Variants in SPATS2 observed in about 807,000 individuals in gnomAD.
SPATS2 encodes the protein spermatogenesis associated serine rich 2, also known as spermatogenesis-associated serine-rich protein 2.
SPATS2 carries 38 observed loss-of-function variants against 63.7 expected under a neutral mutation model. That is an observed-to-expected ratio of 0.60 (90% CI 0.46 to 0.78). The LOEUF is 0.78. Among genes scored for constraint, SPATS2 ranks in the 30% least tolerant of loss-of-function variants. The probability of loss-of-function intolerance (pLI) is 0.00; values close to 1 mark genes in which losing one functional copy is unlikely to be tolerated. For synonymous variants in SPATS2, 207 were observed against 232.9 expected, an observed-to-expected ratio of 0.89 and a Z score of 1.01; for missense variants, 588 against 666.2, an observed-to-expected ratio of 0.88 and a Z score of 1.29.
chr12:49,514,388 C>A, intron 9 of SPATS2, 167 bp from the exon 10 acceptor site: 1 of 572,622 alleles, frequency 1.7e-6, no homozygotes, highest in Non-Finnish European at 3.0e-6. Flanking sequence ...TTAAAATATT[C>A]TTTGTTGAGA....
chr12:49,411,520 A>G (rs1430024918), intron 2 of SPATS2, among the ~76,000 whole-genome samples: 6 of 152,210 alleles, frequency 3.9e-5, no homozygotes, highest in Admixed American at 3.9e-4. Flanking sequence ...TTCTTCATAG[A>G]GTAGACTTGG....
intron 2 of SPATS2, among the ~76,000 whole-genome samples, chr12:49,384,527 G>A (rs1944277537): frequency 6.6e-6 from 1 of 152,118 alleles, no homozygotes; most frequent in Non-Finnish European, 1.5e-5. Flanking sequence ...GTATGTGTTT[G>A]TATGTGCCTA....
At chr12:49,409,241 A>G (rs1023763163) in intron 2 of SPATS2, among the ~76,000 whole-genome samples, 1 of 152,172 alleles carries the variant, frequency 6.6e-6, no homozygotes, top group Non-Finnish European at 1.5e-5. Context: ...TTAGAGGATA[A>G]ATAGTATCAC....
At chr12:49,370,683 G>T (rs1160154492) in intron 1 of SPATS2, among the ~76,000 whole-genome samples, 1 of 152,120 alleles carries the variant, frequency 6.6e-6, no homozygotes, top group Non-Finnish European at 1.5e-5. Flanking sequence ...ACAGGATCTC[G>T]CTATGTTGCC....
intron 9 of SPATS2, among the ~76,000 whole-genome samples, chr12:49,513,208 A>AGTGT (rs1491490154): frequency 1.4e-5 from 2 of 143,460 alleles, no homozygotes; most frequent in Non-Finnish European, 3.0e-5. Flanking sequence ...CGAGAGAGAA[A>AGTGT]GAGTGTGTGT....
chr12:49,514,498 T>A, intron 9 of SPATS2, 57 bp from the exon 10 acceptor site: 1 of 1,526,702 alleles, frequency 6.6e-7, no homozygotes, highest in South Asian at 1.2e-5. Flanking sequence ...AATAATGTGC[T>A]AATTTTGTAT....
chr12:49,380,237 G>A (rs1351570623), intron 2 of SPATS2, among the ~76,000 whole-genome samples: 1 of 146,536 alleles, frequency 6.8e-6, no homozygotes, highest in Admixed American at 6.9e-5. Context: ...TGTGATTACA[G>A]CTCTCTGCAG....
chr12:49,495,037 T>C, intron 7 of SPATS2, 35 bp downstream of exon 7: 1 of 1,503,876 alleles, frequency 6.6e-7, no homozygotes, highest in Admixed American at 2.3e-5. Context: ...AAAGTTGCAT[T>C]CAGTTGAAAA....
chr12:49,510,873 A>G (rs552177184), intron 9 of SPATS2, among the ~76,000 whole-genome samples: 20 of 152,336 alleles, frequency 1.3e-4, no homozygotes, highest in African/African-American at 4.1e-4. Flanking sequence ...AGAGATATCA[A>G]TGGGGATGCT....
At chr12:49,431,147 GTT>G (rs1488432856) in intron 2 of SPATS2, among the ~76,000 whole-genome samples, 1 of 152,090 alleles carries the variant, frequency 6.6e-6, no homozygotes, top group Non-Finnish European at 1.5e-5. Context: ...ACTGCTACTA[GTT>G]TTTTGTCTAT....
intron 9 of SPATS2, among the ~76,000 whole-genome samples, chr12:49,512,381 G>C (rs553376430): frequency 1.9e-4 from 29 of 151,952 alleles, no homozygotes; most frequent in Admixed American, 1.4e-3. Flanking sequence ...GCTAATATAT[G>C]TATTTTAATT....
In SPATS2 at chr12:49,498,143, A is replaced by ATATATAT. The variant is rs1307387821; in HGVS notation, c.703+1134_703+1135insTATATAT. ...CTATCCAATCAAGCCAAAAAAAAAAAAAATATATATATATATATATATATA... is the reference window on the plus strand; with the variant it reads ...CTATCCAATCAAGCCAAAAAAAAAAATATATATAAATATATATATATATATATATATA... On this transcript the variant is annotated intron_variant, in intron 8 of 13. Coordinates refer to ENST00000552918, the MANE Select transcript of SPATS2 (RefSeq NM_023071.4). 2.4e-3 allele frequency among the ~76,000 whole-genome samples: 227 copies of ATATATAT among 94,998 alleles called. 1 individual carries two copies. Among genetic ancestry groups the ATATATAT allele is most frequent in the East Asian group, 3.9e-3 (17 of 4,332 alleles). 62.3% of individuals were successfully genotyped at this position (94,998 alleles called of 152,430 possible).
intron 2 of SPATS2, among the ~76,000 whole-genome samples, chr12:49,377,232 A>G (rs1243131594): frequency 6.6e-6 from 1 of 152,100 alleles, no homozygotes; most frequent in Non-Finnish European, 1.5e-5. Flanking sequence ...GATATTTGGC[A>G]TTTGTCATTA....
chr12:49,521,715 T>G (rs1211049113), intron 11 of SPATS2, among the ~76,000 whole-genome samples: 3 of 152,218 alleles, frequency 2.0e-5, no homozygotes, highest in Non-Finnish European at 1.5e-5. Context: ...TCATTCCTAT[T>G]ATGTCTTTGA....
intron 9 of SPATS2, among the ~76,000 whole-genome samples, chr12:49,513,217 G>A (rs1565759149): frequency 6.6e-6 from 1 of 150,880 alleles, no homozygotes; most frequent in East Asian, 1.9e-4. Flanking sequence ...AAGAGTGTGT[G>A]TGTGTGTGTG....
intron 9 of SPATS2, among the ~76,000 whole-genome samples, chr12:49,504,153 TA>T (rs34381549): frequency 2.6e-5 from 4 of 151,792 alleles, no homozygotes; most frequent in Non-Finnish European, 5.9e-5. Context: ...GGTTATAGCA[TA>T]AAAAAAAGGC....
Position 49,484,682 on chromosome 12 carries a change from A to C in SPATS2, c.105+13A>C, listed in dbSNP as rs113245866. On this transcript the variant is annotated intron_variant, in intron 4 of 13. Transcript: ENST00000552918. ...CATGAAAGAGAAGGTAAGACTAGTC[A>C]CTATGGATAGTAAACTTAAATGTCA... 5.8e-5 allele frequency: 93 copies of C among 1,612,746 alleles called. No homozygotes were observed. The Middle Eastern group carries it at 1.2e-3, about 20-fold the overall frequency.
chr12:49,373,973 T>A (rs7974420), intron 2 of SPATS2, among the ~76,000 whole-genome samples: 51,494 of 151,598 alleles, frequency 0.34, 12,319 homozygotes, highest in African/African-American at 0.68. Context: ...AGTCATAGCT[T>A]TTCTGGGGAG....
chr12:49,380,091 G>T (rs1325590339), intron 2 of SPATS2, among the ~76,000 whole-genome samples: 1 of 151,422 alleles, frequency 6.6e-6, no homozygotes, highest in Non-Finnish European at 1.5e-5. Flanking sequence ...ATGACCTTTT[G>T]TGTCTGGCTT....
Sources: allele counts gnomAD v4.1 joint callset (sites outside exome capture counted in the v4.1 genomes callset), GRCh38; gene constraint gnomAD v4.1.1; transcripts MANE v1.5; gene names NCBI Gene and HGNC (gene_info 2026-07-23, HGNC 2026-07-21).